RYR2: variants seen among roughly 807,000 people sequenced by gnomAD.
RYR2 encodes the protein ryanodine receptor 2.
Under a neutral mutation model 601.1 loss-of-function variants are expected in RYR2, and 227 were observed. The observed-to-expected ratio is 0.38, with a 90% CI of 0.34 to 0.42. The LOEUF (loss-of-function observed/expected upper bound fraction) is 0.42, where lower values mean the gene tolerates loss of function less well. RYR2 is among the 10% of genes least tolerant of loss of function. RYR2 has a pLI of 1.00. For missense variants in RYR2, 4,646 were observed against 6,156.5 expected (o/e 0.75, Z 8.21); for synonymous variants, 2,223 against 2,175.1 (o/e 1.02, Z -0.61).
At chr1:237,408,707 C>T (rs1428675432) in intron 10 of RYR2, among the ~76,000 whole-genome samples, 3 of 152,080 alleles carry the variant, frequency 2.0e-5, no homozygotes, top group African/African-American at 4.8e-5. Context: ...TTGTTAATAT[C>T]TACAAAATAA....
intron 16 of RYR2, among the ~76,000 whole-genome samples, chr1:237,468,664 T>G (rs1037366581): frequency 2.6e-5 from 4 of 152,244 alleles, no homozygotes; most frequent in African/African-American, 9.6e-5. Context: ...CCTAGTATTT[T>G]GTGGTTCATT....
chr1:237,073,418 A>C (rs1411560857), intron 1 of RYR2, among the ~76,000 whole-genome samples: 2 of 152,132 alleles, frequency 1.3e-5, no homozygotes, highest in African/African-American at 4.8e-5. Context: ...TGAAATAAGC[A>C]CTGTTCAGAG....
intron 1 of RYR2, among the ~76,000 whole-genome samples, chr1:237,109,025 C>A (rs1669111386): frequency 6.6e-6 from 1 of 152,114 alleles, no homozygotes; most frequent in Admixed American, 6.5e-5. Flanking sequence ...GGATTCTTGC[C>A]TTTGTGTCTA....
At chr1:237,642,742 A>G (rs1220574077) in intron 47 of RYR2, among the ~76,000 whole-genome samples, 9 of 152,162 alleles carry the variant, frequency 5.9e-5, no homozygotes, top group Non-Finnish European at 1.2e-4. Context: ...TCTTGACCGT[A>G]TGTTCATCCA....
At chr1:237,199,666 C>T (rs1680962759) in intron 1 of RYR2, among the ~76,000 whole-genome samples, 1 of 152,160 alleles carries the variant, frequency 6.6e-6, no homozygotes, top group African/African-American at 2.4e-5. Flanking sequence ...TACTTTGCAT[C>T]CTTCAGTCCT....
rs1194918443 is a variant in RYR2 at position 237,165,884 on chromosome 1, C to G, written c.49-104613C>G. Reference sequence around the variant, plus strand: ...AGGCCTGGTGGCTCATGCCTGTAGCCTGTTGTCAGGCAAGGGTGTGAGGAC... The same window carrying G: ...AGGCCTGGTGGCTCATGCCTGTAGCGTGTTGTCAGGCAAGGGTGTGAGGAC... On this transcript the variant is annotated intron_variant, in intron 1 of 104. Transcript: ENST00000366574. Among the ~76,000 whole-genome samples the G allele has an allele frequency of 2.6e-5, 4 of 152,152 alleles. No individual in the cohort carries two copies. In the South Asian group the frequency reaches 8.3e-4, roughly 32 times the overall value.
rs764599260 is a variant in RYR2 at position 237,427,258 on chromosome 1, G to T, written c.1005+4010G>T. On this transcript the variant is annotated intron_variant, in intron 12 of 104. Coordinates refer to ENST00000366574, the MANE Select transcript of RYR2 (RefSeq NM_001035.3). Reference sequence around the variant, plus strand: ...AATGAGGAAAATGAGACCACAGAGCGAATGGCTCTAAAAAAAGGTATGAAA... The same window carrying T: ...AATGAGGAAAATGAGACCACAGAGCTAATGGCTCTAAAAAAAGGTATGAAA... Among the ~76,000 whole-genome samples, 3 of 152,118 alleles carry T rather than the reference G, an allele frequency of 2.0e-5. No homozygotes were observed. In the South Asian group the frequency reaches 6.2e-4, roughly 32 times the overall value.
chr1:237,510,092 T>C (rs1402407894), intron 23 of RYR2, among the ~76,000 whole-genome samples: 1 of 152,190 alleles, frequency 6.6e-6, no homozygotes, highest in African/African-American at 2.4e-5. Context: ...GACAGACTTA[T>C]GTCTGCTTTC....
At chr1:237,601,171 G>A (rs1676458851) in intron 34 of RYR2, among the ~76,000 whole-genome samples, 2 of 152,076 alleles carry the variant, frequency 1.3e-5, no homozygotes, top group Admixed American at 6.6e-5. Flanking sequence ...AGCCAAGATA[G>A]GGAATCAGCC....
At chr1:237,427,782 CAAAAAAAAAAAAAA>C (rs57614793) in intron 12 of RYR2, among the ~76,000 whole-genome samples, 6 of 56,192 alleles carry the variant, frequency 1.1e-4, no homozygotes, top group African/African-American at 1.4e-4. Context: ...GACTCTGCCT[CAAAAAAAAAAAAAA>C]AAAAAAAAAA....
intron 1 of RYR2, among the ~76,000 whole-genome samples, chr1:237,249,366 A>T (rs1280955907): frequency 6.6e-6 from 1 of 152,192 alleles, no homozygotes; most frequent in Non-Finnish European, 1.5e-5. Context: ...TTGGTTTCTG[A>T]TGCTGCTGAA....
chr1:237,362,766 T>C (rs963852960), intron 4 of RYR2, among the ~76,000 whole-genome samples: 1 of 152,196 alleles, frequency 6.6e-6, no homozygotes, highest in South Asian at 2.1e-4. Flanking sequence ...TCTTTCATGT[T>C]CTTGATTATC....
intron 2 of RYR2, among the ~76,000 whole-genome samples, chr1:237,286,950 G>C (rs929566095): frequency 1.3e-5 from 2 of 152,130 alleles, no homozygotes; most frequent in Non-Finnish European, 2.9e-5. Context: ...GTTCTGTTTT[G>C]ATGTGTTTCC....
intron 98 of RYR2, 117 bp from the exon 99 acceptor site, chr1:237,806,020 G>A: frequency 7.4e-6 from 6 of 813,138 alleles, no homozygotes; most frequent in Non-Finnish European, 9.6e-6. Flanking sequence ...GATTCCACAT[G>A]TGAGTGAGAA....
intron 1 of RYR2, among the ~76,000 whole-genome samples, chr1:237,213,915 C>CTTTTTTTTT (rs71180008): frequency 1.4e-4 from 9 of 65,482 alleles, no homozygotes; most frequent in Admixed American, 4.0e-4. Flanking sequence ...TTTTCTTTTT[C>CTTTTTTTTT]TTTTTTTTTT....
At chr1:237,584,841 A>T (rs1314364566) in intron 29 of RYR2, among the ~76,000 whole-genome samples, 1 of 151,700 alleles carries the variant, frequency 6.6e-6, no homozygotes, top group Non-Finnish European at 1.5e-5. Context: ...TTAATTTTTT[A>T]AAATAGCTCT....
rs1660016940 is a variant in RYR2 at position 237,042,423 on chromosome 1, G to T, written c.-99G>T. 4.4e-6 allele frequency: 5 copies of T among 1,143,550 alleles called. No homozygotes were observed. Among genetic ancestry groups the T allele is most frequent in the Non-Finnish European group, 5.5e-6 (5 of 909,218 alleles). The allele number at this position is 1,143,550 out of a possible 1,614,324, so 70.8% of individuals were successfully genotyped here. A position where few individuals can be genotyped will look rare whatever the true frequency, so the allele number is the denominator to read the frequency against. ...GGCAGCGCGGCCCCCTCCAGCCCCC[G>T]GCTCCCGGCAGCAGAAGCAGAAGGC... is the stretch of plus-strand genomic sequence containing the variant. On this transcript the variant is annotated 5_prime_UTR_variant, in exon 1 of 105. Coordinates refer to ENST00000366574, the MANE Select transcript of RYR2 (RefSeq NM_001035.3).
chr1:237,683,409 GC>G (rs1012369477), intron 62 of RYR2, among the ~76,000 whole-genome samples: 5 of 152,290 alleles, frequency 3.3e-5, no homozygotes, highest in African/African-American at 1.2e-4. Context: ...TATGAGTATA[GC>G]CCTAGTGAAA....
intron 48 of RYR2, among the ~76,000 whole-genome samples, chr1:237,646,970 C>T (rs1682228547): frequency 6.6e-6 from 1 of 152,180 alleles, no homozygotes; most frequent in African/African-American, 2.4e-5. Context: ...GAAACAATGT[C>T]TGCTTGGATA....
Sources: gnomAD v4.1 joint callset for allele counts (sites outside exome capture counted in the v4.1 genomes callset) on GRCh38, gnomAD v4.1.1 for gene constraint, MANE v1.5 for transcripts, NCBI Gene and HGNC (gene_info 2026-07-23, HGNC 2026-07-21) for gene names.